Variants in BCAR3 observed in about 807,000 individuals in gnomAD.
BCAR3 encodes the protein breast cancer anti-estrogen resistance protein 3.
BCAR3 carries 37 observed loss-of-function variants against 80.1 expected under a neutral mutation model. That is an observed-to-expected ratio of 0.46 (90% confidence interval 0.36 to 0.61). The LOEUF (loss-of-function observed/expected upper bound fraction) is 0.61, where lower values mean the gene tolerates loss of function less well. BCAR3 is among the 20% of genes least tolerant of loss of function. The pLI, the probability that BCAR3 is intolerant of heterozygous loss-of-function variation, is 0.00. For synonymous variants in BCAR3, 389 were observed against 418.9 expected, an observed-to-expected ratio of 0.93 and a Z score of 0.87; for missense variants, 978 against 1,068.2, an observed-to-expected ratio of 0.92 and a Z score of 1.18.
chr1:93,782,684 C>G (rs1366368770), intron 2 of BCAR3, among the ~76,000 whole-genome samples: 1 of 152,190 alleles, frequency 6.6e-6, no homozygotes, highest in African/African-American at 2.4e-5. Flanking sequence ...CAGGTCTTGC[C>G]AGCTGGAAAA....
chr1:93,657,276 T>A (rs1647433102), intron 2 of BCAR3, among the ~76,000 whole-genome samples: 1 of 152,078 alleles, frequency 6.6e-6, no homozygotes, highest in Non-Finnish European at 1.5e-5. Flanking sequence ...ATCAAAATAA[T>A]CCTATAAACA....
chr1:93,657,735 A>G (rs1206380795), intron 2 of BCAR3, among the ~76,000 whole-genome samples: 2 of 152,044 alleles, frequency 1.3e-5, no homozygotes, highest in East Asian at 3.8e-4. Flanking sequence ...CCACAAAAAA[A>G]AAAAATGAAA....
intron 2 of BCAR3, among the ~76,000 whole-genome samples, chr1:93,643,692 G>A (rs1372027596): frequency 6.6e-6 from 1 of 151,834 alleles, no homozygotes; most frequent in Non-Finnish European, 1.5e-5. Context: ...TACGTAGGAT[G>A]AACAAGCATA....
chr1:93,689,276 C>T (rs1369384255), intron 3 of BCAR3, among the ~76,000 whole-genome samples: 1 of 151,982 alleles, frequency 6.6e-6, no homozygotes, highest in East Asian at 1.9e-4. Context: ...CACCTGAGGT[C>T]AGAGGTTCGA....
chr1:93,740,000 C>T (rs1334355942), intron 2 of BCAR3, among the ~76,000 whole-genome samples: 1 of 150,294 alleles, frequency 6.7e-6, no homozygotes, highest in Non-Finnish European at 1.5e-5. Context: ...CATGCCACTG[C>T]ACTCCAGCCT....
intron 2 of BCAR3, among the ~76,000 whole-genome samples, chr1:93,763,652 T>G (rs936657963): frequency 6.6e-5 from 10 of 152,204 alleles, no homozygotes; most frequent in Non-Finnish European, 1.2e-4. Context: ...TTAGCTCATT[T>G]TTCTGGCTCC....
intron 2 of BCAR3, among the ~76,000 whole-genome samples, chr1:93,724,431 C>T (rs1454356134): frequency 6.6e-6 from 1 of 152,214 alleles, no homozygotes; most frequent in African/African-American, 2.4e-5. Context: ...ACTGTTATAA[C>T]TCCCAAGGAA....
intron 8 of BCAR3, among the ~76,000 whole-genome samples, chr1:93,575,651 G>C (rs1473245067): frequency 2.0e-5 from 3 of 152,158 alleles, no homozygotes; most frequent in Non-Finnish European, 4.4e-5. Flanking sequence ...AGCTTGCTGG[G>C]CAGGAGACCC....
intron 3 of BCAR3, among the ~76,000 whole-genome samples, chr1:93,603,404 TACTCTTATTC>T (rs1336559893): frequency 6.6e-6 from 1 of 152,200 alleles, no homozygotes; most frequent in Non-Finnish European, 1.5e-5. Context: ...AAGGGTGTCT[TACTCTTATTC>T]ACTCAAGAGG....
At chr1:93,606,601 G>C (rs1259890912) in intron 3 of BCAR3, among the ~76,000 whole-genome samples, 2 of 152,158 alleles carry the variant, frequency 1.3e-5, no homozygotes, top group African/African-American at 4.8e-5. Flanking sequence ...GGGCCTTCTG[G>C]ATGGAGTCAC....
chr1:93,613,711 C>T, intron 3 of BCAR3: 1 of 1,066,258 alleles, frequency 9.4e-7, no homozygotes, highest in Non-Finnish European at 1.3e-6. Context: ...TCTTGAAGAC[C>T]CATCAGTCAA....
intron 2 of BCAR3, among the ~76,000 whole-genome samples, chr1:93,661,188 C>T (rs768052424): frequency 5.9e-5 from 9 of 151,810 alleles, no homozygotes; most frequent in Non-Finnish European, 1.2e-4. Flanking sequence ...TACAGGGATG[C>T]GCCACCACGC....
At chr1:93,846,705 T>A (rs1180003284) in intron 1 of BCAR3, 1 of 351,436 alleles carries the variant, frequency 2.8e-6, no homozygotes, top group Non-Finnish European at 5.6e-6. Flanking sequence ...CCACGCGTGC[T>A]GACACCCTCC....
At chr1:93,655,906 G>T (rs1647358363) in intron 2 of BCAR3, among the ~76,000 whole-genome samples, 1 of 152,140 alleles carries the variant, frequency 6.6e-6, no homozygotes, top group Non-Finnish European at 1.5e-5. Context: ...AACAAAACAA[G>T]GGAGCTGTGC....
Position 93,681,718 on chromosome 1 carries a change from C to A in BCAR3, c.-132G>T, listed in dbSNP as rs1648774643. On this transcript the variant is annotated 5_prime_UTR_variant, in exon 1 of 12. Transcript: ENST00000260502. Reference sequence around the variant, plus strand: ...CCGCGGCTGCTCCCGGAGCTGGGGACGCTCATGGTCCGCGGGGCGTGCCCG... The same window carrying A: ...CCGCGGCTGCTCCCGGAGCTGGGGAAGCTCATGGTCCGCGGGGCGTGCCCG... The A allele has an allele frequency of 1.3e-5, 2 of 151,732 alleles. No individual in the cohort carries two copies. The highest frequency in any genetic ancestry group is 1.5e-5 in the Non-Finnish European group (1 of 67,894). 9.4% of individuals were successfully genotyped at this position (151,732 alleles called of 1,614,324 possible).
chr1:93,578,686 ACCTGGGTTGTG>A (rs1673567710), intron 7 of BCAR3, among the ~76,000 whole-genome samples: 1 of 151,832 alleles, frequency 6.6e-6, no homozygotes, highest in African/African-American at 2.4e-5. Context: ...GGCGTTTCCC[ACCTGGGTTGTG>A]GCCCAAGTTC....
chr1:93,657,380 T>C (rs919543424), intron 2 of BCAR3, among the ~76,000 whole-genome samples: 2 of 152,176 alleles, frequency 1.3e-5, no homozygotes, highest in Non-Finnish European at 2.9e-5. Context: ...TTCCAAACTT[T>C]GGAATTATTT....
At chr1:93,830,619 T>C (rs925919711) in intron 2 of BCAR3, among the ~76,000 whole-genome samples, 26 of 152,030 alleles carry the variant, frequency 1.7e-4, no homozygotes, top group Admixed American at 1.4e-3. Flanking sequence ...TCCTATAAAA[T>C]GGCCCCACCC....
intron 7 of BCAR3, 112 bp downstream of exon 7, chr1:93,582,189 G>A: frequency 7.3e-7 from 1 of 1,361,644 alleles, no homozygotes; most frequent in Non-Finnish European, 9.9e-7. Context: ...GGCAGAGTGA[G>A]GCCAGATGGA....
Sources: allele counts gnomAD v4.1 joint callset (sites outside exome capture counted in the v4.1 genomes callset), GRCh38; gene constraint gnomAD v4.1.1; transcripts MANE v1.5; gene names NCBI Gene and HGNC (gene_info 2026-07-23, HGNC 2026-07-21).